RBMS1: variants seen among roughly 807,000 people sequenced by gnomAD.
RBMS1 encodes RNA-binding motif, single-stranded-interacting protein 1.
RBMS1 carries 17 observed loss-of-function variants against 62.3 expected under a neutral mutation model. The observed-to-expected ratio is 0.27, with a 90% CI of 0.19 to 0.41. The LOEUF is 0.41. Ranked by LOEUF, RBMS1 falls within the 10% of genes least tolerant of loss-of-function variation. RBMS1 has a pLI of 1.00. For missense variants in RBMS1, 334 were observed against 504.5 expected (o/e 0.66, Z 3.24); for synonymous variants, 172 against 170.0 (o/e 1.01, Z -0.09).
chr2:160,366,041 G>A (rs1195490834), intron 2 of RBMS1, among the ~76,000 whole-genome samples: 2 of 152,266 alleles, frequency 1.3e-5, no homozygotes, highest in African/African-American at 2.4e-5. Context: ...TGATCAAAAA[G>A]GGGGACATGA....
At position 160,493,545 on chromosome 2, in the gene RBMS1, CTCCTCCTCCTCCTCCTCCTCCTCCTCT is replaced by C. The variant is rs1448533795; in HGVS notation, c.-209_-183del. The C allele has an allele frequency of 6.6e-5, 25 of 376,058 alleles. No individual in the cohort carries two copies. The East Asian group carries it at 8.8e-4, about 13-fold the overall frequency. 23.3% of individuals were successfully genotyped at this position (376,058 alleles called of 1,614,324 possible). On this transcript the variant is annotated 5_prime_UTR_variant, in exon 1 of 14. Transcript: ENST00000348849. ...CGTCCTCCTCCTCCTCCTCCTCTTC[CTCCTCCTCCTCCTCCTCCTCCTCCTCT>C]TCCTCCTCCTCCTCCTCCTCCCAGG...
At chr2:160,286,904 T>C (rs1459605333) in intron 7 of RBMS1, 65 bp downstream of exon 7, 3 of 1,606,232 alleles carry the variant, frequency 1.9e-6, no homozygotes, top group Non-Finnish European at 2.6e-6. Context: ...TTGTGTTACT[T>C]TTCATGTGGG....
At chr2:160,319,162 T>G (rs2105970552) in intron 2 of RBMS1, among the ~76,000 whole-genome samples, 1 of 152,308 alleles carries the variant, frequency 6.6e-6, no homozygotes, top group Admixed American at 6.5e-5. Flanking sequence ...TATGCTTGCC[T>G]TCTAAAAATT....
At chr2:160,435,145 T>C (rs1310999225) in intron 1 of RBMS1, among the ~76,000 whole-genome samples, 1 of 151,942 alleles carries the variant, frequency 6.6e-6, no homozygotes, top group Non-Finnish European at 1.5e-5. Context: ...AAGAGTGGGG[T>C]TATTTTAAAC....
At chr2:160,447,143 G>A (rs1683688714) in intron 1 of RBMS1, among the ~76,000 whole-genome samples, 1 of 152,138 alleles carries the variant, frequency 6.6e-6, no homozygotes, top group Admixed American at 6.6e-5. Flanking sequence ...CCAGGGGCAG[G>A]GATAGTATTT....
At chr2:160,452,349 G>A (rs1684027342) in intron 1 of RBMS1, among the ~76,000 whole-genome samples, 1 of 152,134 alleles carries the variant, frequency 6.6e-6, no homozygotes. Context: ...ACCCCCAGAA[G>A]ACACCAAAAT....
chr2:160,448,171 G>A (rs1683745027), intron 1 of RBMS1, among the ~76,000 whole-genome samples: 1 of 151,794 alleles, frequency 6.6e-6, no homozygotes, highest in Admixed American at 6.6e-5. Context: ...CATAATATCA[G>A]CTCTAATATA....
intron 1 of RBMS1, among the ~76,000 whole-genome samples, chr2:160,421,926 G>A (rs1426994179): frequency 2.0e-5 from 3 of 152,114 alleles, no homozygotes; most frequent in African/African-American, 4.8e-5. Context: ...TCATGTGTCT[G>A]TTGGCTGCAT....
chr2:160,390,879 A>C (rs958314951), intron 1 of RBMS1, among the ~76,000 whole-genome samples: 15 of 99,946 alleles, frequency 1.5e-4, no homozygotes, highest in Non-Finnish European at 2.8e-4. Context: ...ACTGCAAGTT[A>C]AAAACAACCA....
At chr2:160,484,664 G>A (rs1215185423) in intron 1 of RBMS1, among the ~76,000 whole-genome samples, 7 of 151,438 alleles carry the variant, frequency 4.6e-5, no homozygotes, top group African/African-American at 1.7e-4. Context: ...GAGGTCAGGA[G>A]ATCGAGACCA....
intron 2 of RBMS1, among the ~76,000 whole-genome samples, chr2:160,318,762 T>C (rs1574273260): frequency 6.6e-6 from 1 of 152,344 alleles, no homozygotes; most frequent in African/African-American, 2.4e-5. Flanking sequence ...TTTAGCACAC[T>C]TAATGGTGTC....
intron 6 of RBMS1, among the ~76,000 whole-genome samples, chr2:160,298,015 G>GGAGAATACCTTA (rs1473525441): frequency 6.6e-6 from 1 of 152,172 alleles, no homozygotes; most frequent in Non-Finnish European, 1.5e-5. Flanking sequence ...CTACAGTCAG[G>GGAGAATACCTTA]GAGAATACCT....
chr2:160,389,780 T>TAAAAAAAAAAAAAAAAAAA (rs1694765014), intron 1 of RBMS1, among the ~76,000 whole-genome samples: 1 of 150,172 alleles, frequency 6.7e-6, no homozygotes. Flanking sequence ...GGAATCCTTT[T>TAAAAAAAAAAAAAAAAAAA]ATAATGAAAA....
chr2:160,448,583 C>A (rs528820495), intron 1 of RBMS1, among the ~76,000 whole-genome samples: 2 of 152,246 alleles, frequency 1.3e-5, no homozygotes, highest in Non-Finnish European at 2.9e-5. Flanking sequence ...GACAGAGTCT[C>A]GCTCACTCAG....
At chr2:160,446,306 A>G (rs1428437052) in intron 1 of RBMS1, among the ~76,000 whole-genome samples, 1 of 152,184 alleles carries the variant, frequency 6.6e-6, no homozygotes, top group Non-Finnish European at 1.5e-5. Flanking sequence ...TCCTGTTCAT[A>G]AACTCATTGC....
intron 2 of RBMS1, among the ~76,000 whole-genome samples, chr2:160,350,589 GAAC>G (rs1692438848): frequency 6.6e-6 from 1 of 152,096 alleles, no homozygotes. Context: ...AGAAAGGAAT[GAAC>G]AACAATGGCA....
At chr2:160,488,015 T>C (rs748602169) in intron 1 of RBMS1, among the ~76,000 whole-genome samples, 6 of 152,210 alleles carry the variant, frequency 3.9e-5, no homozygotes, top group Admixed American at 6.5e-5. Context: ...ATGTTCAGTT[T>C]GTGGTTGGCT....
intron 2 of RBMS1, among the ~76,000 whole-genome samples, chr2:160,345,358 G>A (rs569647876): frequency 5.9e-5 from 9 of 152,244 alleles, no homozygotes; most frequent in Middle Eastern, 3.4e-3. Context: ...AAGCCTATAC[G>A]GGGAGGCTAG....
intron 1 of RBMS1, among the ~76,000 whole-genome samples, chr2:160,443,070 G>A (rs62179060): frequency 3.8e-4 from 58 of 152,172 alleles, no homozygotes; most frequent in Admixed American, 6.5e-4. Flanking sequence ...GCCGGGTGTG[G>A]TGGCGGGCAC....
Sources: gnomAD v4.1 joint callset for allele counts (sites outside exome capture counted in the v4.1 genomes callset) on GRCh38, gnomAD v4.1.1 for gene constraint, MANE v1.5 for transcripts, NCBI Gene and HGNC (gene_info 2026-07-23, HGNC 2026-07-21) for gene names.